The following SLCO3A1 variants were observed in gnomAD, a reference collection of about 807,000 sequenced individuals.
SLCO3A1 encodes solute carrier organic anion transporter family member 3A1.
In SLCO3A1, 27 loss-of-function variants were observed where a neutral mutation model predicts 63.1. The observed-to-expected ratio is 0.43, with a 90% confidence interval of 0.32 to 0.59. The LOEUF (loss-of-function observed/expected upper bound fraction) is 0.59. SLCO3A1 is among the 20% of genes least tolerant of loss of function. SLCO3A1 has a pLI of 0.09. For missense variants in SLCO3A1, 773 were observed against 945.8 expected (o/e 0.82, Z 2.40); for synonymous variants, 473 against 409.9 (o/e 1.15, Z -1.86).
Position 92,164,026 on chromosome 15 carries a change from G to A in SLCO3A1, c.*891G>A. ...TGCTTACATTTGCCAAAAACATTTTGCCATTTTTAAAAGAAAAAAATACAA... is the reference window on the plus strand; with the variant it reads ...TGCTTACATTTGCCAAAAACATTTTACCATTTTTAAAAGAAAAAAATACAA... On this transcript the variant is annotated 3_prime_UTR_variant, in exon 10 of 10. Coordinates refer to ENST00000318445, the MANE Select transcript of SLCO3A1 (RefSeq NM_013272.4). 3.0e-6 allele frequency: 3 copies of A among 984,890 alleles called. No individual in the cohort carries two copies. Among genetic ancestry groups the A allele is most frequent in the Non-Finnish European group, 3.6e-6 (3 of 829,890 alleles). 61.0% of individuals were successfully genotyped at this position (984,890 alleles called of 1,614,324 possible). A position where few individuals can be genotyped will look rare whatever the true frequency, so the allele number is the denominator to read the frequency against.
chr15:91,989,968 C>T (rs1013882278), intron 2 of SLCO3A1, among the ~76,000 whole-genome samples: 4 of 152,174 alleles, frequency 2.6e-5, no homozygotes, highest in South Asian at 4.1e-4. Flanking sequence ...CTGTAGAATC[C>T]TAATCATCTA....
In SLCO3A1 at chr15:92,016,243, A is replaced by T. The variant is rs867747203; in HGVS notation, c.647-78638A>T. On this transcript the variant is annotated intron_variant, in intron 2 of 9. Transcript: ENST00000318445. Reference sequence around the variant, plus strand: ...TAGATAGATAGATAGATAGATAGATAGATAGATAGATTAGATAGATAGATA... The same window carrying T: ...TAGATAGATAGATAGATAGATAGATTGATAGATAGATTAGATAGATAGATA... Among the ~76,000 whole-genome samples, 360 of 64,728 alleles carry T rather than the reference A, an allele frequency of 5.6e-3. 6 individuals carry two copies. Among genetic ancestry groups the T allele is most frequent in the African/African-American group, 0.026 (340 of 13,038 alleles). 42.5% of individuals were successfully genotyped at this position (64,728 alleles called of 152,430 possible).
intron 2 of SLCO3A1, among the ~76,000 whole-genome samples, chr15:92,077,537 G>T (rs1015256281): frequency 3.3e-5 from 5 of 152,134 alleles, no homozygotes; most frequent in African/African-American, 1.2e-4. Context: ...GAAAGCGTCT[G>T]GCTCCCTCTG....
intron 2 of SLCO3A1, among the ~76,000 whole-genome samples, chr15:91,926,611 C>CA (rs1567189506): frequency 1.7e-5 from 1 of 60,486 alleles, no homozygotes; most frequent in African/African-American, 5.2e-5. Flanking sequence ...GCGCGCACGC[C>CA]CATGCTTATT....
chr15:91,861,034 T>C (rs796488083), intron 1 of SLCO3A1, among the ~76,000 whole-genome samples: 16 of 152,324 alleles, frequency 1.1e-4, no homozygotes, highest in African/African-American at 3.4e-4. Context: ...TGGTCACACC[T>C]GTCCTTGCGA....
chr15:92,044,810 T>C (rs1399356351), intron 2 of SLCO3A1, among the ~76,000 whole-genome samples: 1 of 152,156 alleles, frequency 6.6e-6, no homozygotes, highest in Non-Finnish European at 1.5e-5. Flanking sequence ...CTCTTTCCCT[T>C]GACTCCTGAC....
chr15:91,966,750 G>C (rs1900675410), intron 2 of SLCO3A1, among the ~76,000 whole-genome samples: 1 of 152,238 alleles, frequency 6.6e-6, no homozygotes, highest in South Asian at 2.1e-4. Context: ...GCAGTGGAAG[G>C]AATTCATGCC....
rs75673597 is a variant in SLCO3A1, at chr15:91,894,723, G to C, written c.181-21270G>C. Among the ~76,000 whole-genome samples the C allele has an allele frequency of 0.038, 5,761 of 152,222 alleles. 212 individuals carry two copies. The highest frequency in any genetic ancestry group is 0.08 in the Admixed American group (1,220 of 15,292). ...GTCTGGGGCAGGGTCTGAGATTTTTGAATTTCTAAAAGGCTCTCTGGTGAT... is the reference window on the plus strand; with the variant it reads ...GTCTGGGGCAGGGTCTGAGATTTTTCAATTTCTAAAAGGCTCTCTGGTGAT... On this transcript the variant is annotated intron_variant, in intron 1 of 9. Transcript: ENST00000318445. This position sits in a 1 kb window ranked among gnomAD's most constrained non-coding sequence, Gnocchi z 4.8.
chr15:92,024,593 T>C (rs1198786365), intron 2 of SLCO3A1, among the ~76,000 whole-genome samples: 1 of 152,188 alleles, frequency 6.6e-6, no homozygotes, highest in East Asian at 1.9e-4. Context: ...ATGTGCCAGG[T>C]GCTCTCTCAG....
intron 2 of SLCO3A1, among the ~76,000 whole-genome samples, chr15:92,056,818 A>G (rs916475595): frequency 6.6e-6 from 1 of 152,180 alleles, no homozygotes; most frequent in Non-Finnish European, 1.5e-5. Context: ...CAGGATCCTC[A>G]GGATAAATTG....
At chr15:92,172,414 T>TA (rs1220224875) in exon 11 of SLCO3A1, 1 of 152,278 alleles carries the variant, frequency 6.6e-6, no homozygotes, top group African/African-American at 2.4e-5. Context: ...AAAATTATAT[T>TA]AAAAGCACTA....
intron 9 of SLCO3A1, chr15:92,161,686 A>G (rs2151603653): frequency 6.6e-6 from 1 of 152,424 alleles, no homozygotes; most frequent in South Asian, 2.1e-4. Flanking sequence ...ACTCAAGAGC[A>G]CAACAGCCCT....
chr15:92,097,512 G>A (rs754252593), intron 3 of SLCO3A1, among the ~76,000 whole-genome samples: 7 of 152,188 alleles, frequency 4.6e-5, no homozygotes, highest in Admixed American at 6.5e-5. Context: ...CTGTTTGCCC[G>A]TTAAGGCCCA....
At chr15:92,078,002 C>G (rs2047299337) in intron 2 of SLCO3A1, among the ~76,000 whole-genome samples, 1 of 152,142 alleles carries the variant, frequency 6.6e-6, no homozygotes, top group African/African-American at 2.4e-5. Context: ...ACACCTGCCT[C>G]TCGGGGTTGT....
intron 2 of SLCO3A1, among the ~76,000 whole-genome samples, chr15:92,082,490 C>T (rs2047359194): frequency 6.6e-6 from 1 of 152,128 alleles, no homozygotes; most frequent in African/African-American, 2.4e-5. Flanking sequence ...CGCGTTTCCT[C>T]CTCACTCCTC....
intron 5 of SLCO3A1, among the ~76,000 whole-genome samples, chr15:92,124,799 G>C (rs1275610810): frequency 2.0e-5 from 3 of 152,172 alleles, no homozygotes; most frequent in South Asian, 4.1e-4. Context: ...AGAGAGTAGG[G>C]GCCAGCCAAG....
At chr15:91,938,107 G>T (rs1168989474) in intron 2 of SLCO3A1, among the ~76,000 whole-genome samples, 1 of 152,188 alleles carries the variant, frequency 6.6e-6, no homozygotes, top group Non-Finnish European at 1.5e-5. Context: ...TGAAAGAGAA[G>T]TAGTTTTTGG....
chr15:91,876,682 G>A (rs1897406995), intron 1 of SLCO3A1, among the ~76,000 whole-genome samples: 1 of 152,206 alleles, frequency 6.6e-6, no homozygotes, highest in Non-Finnish European at 1.5e-5. Context: ...GTAGGTTCCG[G>A]AGGCCTCTCA....
intron 2 of SLCO3A1, among the ~76,000 whole-genome samples, chr15:91,998,673 G>A (rs367559417): frequency 6.6e-5 from 10 of 152,318 alleles, no homozygotes; most frequent in African/African-American, 1.7e-4. Flanking sequence ...AAAAGGGAAT[G>A]CTTATACACT....
Sources: allele counts gnomAD v4.1 joint callset (sites outside exome capture counted in the v4.1 genomes callset), GRCh38; gene constraint gnomAD v4.1.1; non-coding constraint Gnocchi (gnomAD v3.1); transcripts MANE v1.5; gene names NCBI Gene and HGNC (gene_info 2026-07-23, HGNC 2026-07-21).